Variants in ZNF169 observed in about 807,000 individuals in gnomAD.
The protein encoded by ZNF169 is zinc finger protein 169.
ZNF169 carries 11 observed loss-of-function variants against 12.0 expected under a neutral mutation model. The observed-to-expected ratio is 0.92, with a 90% confidence interval of 0.58 to 1.52. The LOEUF (loss-of-function observed/expected upper bound fraction) is 1.52. ZNF169 is among the 40% of genes most tolerant of loss of function. The pLI, the probability that ZNF169 is intolerant of heterozygous loss-of-function variation, is 0.00. For synonymous variants in ZNF169, 302 were observed against 286.5 expected (o/e 1.05, Z -0.55); for missense variants, 722 against 744.0 (o/e 0.97, Z 0.34).
At chr9:94,259,892 TTTTA>T (rs140235520) in intron 1 of ZNF169, among the ~76,000 whole-genome samples, 44,722 of 151,356 alleles carry the variant, frequency 0.3, 7,140 homozygotes, top group Non-Finnish European at 0.36. Context: ...ATTTATTAAA[TTTTA>T]TTTATTTATT....
intron 2 of ZNF169, among the ~76,000 whole-genome samples, chr9:94,282,873 C>T (rs1388246745): frequency 2.0e-5 from 3 of 151,980 alleles, no homozygotes; most frequent in Non-Finnish European, 4.4e-5. Flanking sequence ...ATTCACATAC[C>T]ATACAATCCA....
chr9:94,283,624 C>T (rs1374412068), intron 2 of ZNF169, among the ~76,000 whole-genome samples: 1 of 152,158 alleles, frequency 6.6e-6, no homozygotes, highest in East Asian at 1.9e-4. Context: ...GCCTGCCTCC[C>T]ACCTGTCCAT....
At chr9:94,276,994 C>T (rs1372353229) in intron 1 of ZNF169, among the ~76,000 whole-genome samples, 2 of 152,104 alleles carry the variant, frequency 1.3e-5, no homozygotes, top group African/African-American at 4.8e-5. Flanking sequence ...TCAGGAGGTC[C>T]TGAGAACATG....
chr9:94,300,515 A>G lies in ZNF169; in HGVS notation c.957A>G (p.Val319=), dbSNP rs1361615561. 1.2e-6 allele frequency: 2 copies of G among 1,613,776 alleles called. No homozygotes were observed. Among genetic ancestry groups the G allele is most frequent in the Admixed American group, 1.7e-5 (1 of 59,972 alleles). ...KRIHSGERPF[V]CQECGRGFRQ... Reference sequence around the variant, plus strand: ...TTCACTCCGGGGAGAGGCCCTTTGTATGTCAGGAGTGTGGGCGAGGCTTTC... The same window carrying G: ...TTCACTCCGGGGAGAGGCCCTTTGTGTGTCAGGAGTGTGGGCGAGGCTTTC... The change falls in exon 5 of 5, where the codon GTA becomes GTG. Residue 319 remains valine, a synonymous_variant. Transcript: ENST00000395395.
At position 94,287,356 on chromosome 9, in the gene ZNF169, ATTGTTTGTTTGT is replaced by A. The variant is rs144633861; in HGVS notation, c.34-4970_34-4959del. Among the ~76,000 whole-genome samples, 1,108 of 151,362 alleles carry A rather than the reference ATTGTTTGTTTGT, an allele frequency of 7.3e-3. 16 individuals are homozygous for A. Among genetic ancestry groups the A allele is most frequent in the African/African-American group, 0.025 (1,052 of 41,362 alleles). ...ATTCTGAAGGTTGCTATACTGCAAAATTGTTTGTTTGTTTGTTTGTTTGTTTTGAAACGGAGT... is the reference window on the plus strand; with the variant it reads ...ATTCTGAAGGTTGCTATACTGCAAAATTGTTTGTTTGTTTTGAAACGGAGT... On this transcript the variant is annotated intron_variant, in intron 2 of 4. Transcript: ENST00000395395.
chr9:94,264,422 C>T (rs80020419), intron 1 of ZNF169, among the ~76,000 whole-genome samples: 56,532 of 151,964 alleles, frequency 0.37, 10,908 homozygotes, highest in Middle Eastern at 0.45. Context: ...CGTGAGCCAC[C>T]GCGCCTGGCT....
At position 94,299,532 on chromosome 9, in the gene ZNF169, G is replaced by A. The variant is rs979888268; in HGVS notation, c.257-283G>A. The stretch of plus-strand genomic sequence containing the variant: ...CAAGGTTTAATAGGCTTGAGCTGGA[G>A]CAAAAGCAAGGGAGCGGCGCCCAAG... On this transcript the variant is annotated intron_variant, in intron 4 of 4. Coordinates refer to ENST00000395395, the MANE Select transcript of ZNF169 (RefSeq NM_194320.4). The A allele has an allele frequency of 1.2e-5, 16 of 1,332,226 alleles. No homozygotes were observed. The African/African-American group carries it at 2.1e-4, about 17-fold the overall frequency. The allele number at this position is 1,332,226 out of a possible 1,614,324, so 82.5% of individuals were successfully genotyped here.
chr9:94,297,304 G>A (rs542325483), intron 4 of ZNF169, among the ~76,000 whole-genome samples: 4 of 151,258 alleles, frequency 2.6e-5, no homozygotes, highest in Middle Eastern at 3.4e-3. Flanking sequence ...CATTTTTGTC[G>A]GCATTGTTTT....
intron 1 of ZNF169, among the ~76,000 whole-genome samples, chr9:94,260,864 A>T (rs1587665053): frequency 8.9e-6 from 1 of 112,686 alleles, no homozygotes; most frequent in Non-Finnish European, 1.7e-5. Flanking sequence ...TCTGTCGCCC[A>T]GGCTGGAGTG....
chr9:94,282,993 G>A lies in ZNF169; in HGVS notation c.33+4148G>A, dbSNP rs188919636. Among the ~76,000 whole-genome samples, 20 of 152,120 alleles carry A rather than the reference G, an allele frequency of 1.3e-4. No homozygotes were observed. The East Asian group carries it at 1.4e-3, about 10-fold the overall frequency. ...ACCCATTAGGAGTTATTCCCCATTCGCCCCTCTCCCAGCCCCTGGCAACCA... is the reference window on the plus strand; with the variant it reads ...ACCCATTAGGAGTTATTCCCCATTCACCCCTCTCCCAGCCCCTGGCAACCA... On this transcript the variant is annotated intron_variant, in intron 2 of 4. Transcript: ENST00000395395.
Position 94,300,344 on chromosome 9 carries a change from C to A in ZNF169, c.786C>A (p.Tyr262Ter). Residue 262 changes from tyrosine (Y) to a stop codon, truncating the protein, a stop_gained, in exon 5 of 5, where the codon TAC becomes TAA. Transcript: ENST00000395395. LOFTEE classifies it low-confidence loss of function (END_TRUNC). ...HQRTHTGEKP[Y>*]LCPECGRRFS... ...GGACACACACCGGGGAGAAGCCATA[C>A]CTGTGTCCTGAGTGTGGGCGTCGGT... The A allele has an allele frequency of 6.2e-7, 1 of 1,614,028 alleles. No homozygotes were observed. The highest frequency in any genetic ancestry group is 8.5e-7 in the Non-Finnish European group (1 of 1,179,988).
chr9:94,278,493 A>T (rs1830563318), intron 1 of ZNF169, among the ~76,000 whole-genome samples: 2 of 152,124 alleles, frequency 1.3e-5, no homozygotes, highest in South Asian at 2.1e-4. Flanking sequence ...TTTTTCTTTT[A>T]ATGGAGTCCA....
chr9:94,293,153 C>A, intron 4 of ZNF169, 84 bp downstream of exon 4: 3 of 1,261,000 alleles, frequency 2.4e-6, no homozygotes, highest in South Asian at 1.3e-5. Context: ...CTTTGAGGTG[C>A]TAGGAGGAAG....
At chr9:94,260,644 T>C (rs1379950285) in intron 1 of ZNF169, among the ~76,000 whole-genome samples, 1 of 151,962 alleles carries the variant, frequency 6.6e-6, no homozygotes, top group African/African-American at 2.4e-5. Context: ...TCTGCAGCTG[T>C]GTGGCTCCCT....
intron 1 of ZNF169, among the ~76,000 whole-genome samples, chr9:94,263,073 C>T (rs1830233182): frequency 6.6e-6 from 1 of 152,152 alleles, no homozygotes; most frequent in Non-Finnish European, 1.5e-5. Context: ...TTCTGTTGAG[C>T]AGTGATGAGC....
intron 2 of ZNF169, among the ~76,000 whole-genome samples, chr9:94,280,191 G>A (rs1186348965): frequency 1.3e-5 from 2 of 152,226 alleles, no homozygotes; most frequent in Non-Finnish European, 2.9e-5. Context: ...TTGATCTTAT[G>A]AGAACGTCAC....
At chr9:94,297,382 T>C (rs894526207) in intron 4 of ZNF169, among the ~76,000 whole-genome samples, 3 of 152,246 alleles carry the variant, frequency 2.0e-5, no homozygotes, top group African/African-American at 7.2e-5. Flanking sequence ...CATATTTTGA[T>C]GCTATTTTTA....
intron 2 of ZNF169, among the ~76,000 whole-genome samples, chr9:94,284,286 G>A (rs973437184): frequency 4.6e-5 from 7 of 151,004 alleles, no homozygotes; most frequent in East Asian, 2.0e-4. Context: ...TTAGCCGGGC[G>A]TGGTGGCACG....
At chr9:94,281,700 A>C (rs888526987) in intron 2 of ZNF169, among the ~76,000 whole-genome samples, 1 of 152,186 alleles carries the variant, frequency 6.6e-6, no homozygotes, top group Non-Finnish European at 1.5e-5. Flanking sequence ...AAATACACTT[A>C]AGAAATACAT....
Sources: gnomAD v4.1 joint callset for allele counts (sites outside exome capture counted in the v4.1 genomes callset) on GRCh38, gnomAD v4.1.1 for gene constraint, MANE v1.5 for transcripts, NCBI Gene and HGNC (gene_info 2026-07-23, HGNC 2026-07-21) for gene names.